The following PRKAR2A variants were observed in gnomAD, a reference collection of about 807,000 sequenced individuals.
The protein encoded by PRKAR2A is protein kinase cAMP-dependent type II regulatory subunit alpha.
A neutral mutation model predicts 51.9 loss-of-function variants in PRKAR2A; 29 were observed. The ratio of observed to expected loss-of-function variants is 0.56; its 90% confidence interval spans 0.42 to 0.76. The LOEUF (loss-of-function observed/expected upper bound fraction) is 0.76, where lower values mean the gene tolerates loss of function less well. Among genes scored for constraint, PRKAR2A ranks in the 30% least tolerant of loss-of-function variants. PRKAR2A has a pLI of 0.00. For missense variants in PRKAR2A, 445 were observed against 512.1 expected (o/e 0.87, Z 1.26); for synonymous variants, 178 against 186.2 (o/e 0.96, Z 0.36).
At chr3:48,845,804 G>C (rs970539865) in intron 1 of PRKAR2A, among the ~76,000 whole-genome samples, 2 of 152,124 alleles carry the variant, frequency 1.3e-5, no homozygotes, top group Non-Finnish European at 2.9e-5. Flanking sequence ...AAATTAGTAA[G>C]GCATGGTGGC....
intron 1 of PRKAR2A, among the ~76,000 whole-genome samples, chr3:48,822,801 T>C (rs1186236159): frequency 6.6e-6 from 1 of 151,448 alleles, no homozygotes; most frequent in Non-Finnish European, 1.5e-5. Flanking sequence ...AATCATGGCC[T>C]TGACTTGATG....
intron 1 of PRKAR2A, among the ~76,000 whole-genome samples, chr3:48,829,328 G>A (rs1323597701): frequency 6.6e-6 from 1 of 151,268 alleles, no homozygotes; most frequent in African/African-American, 2.4e-5. Flanking sequence ...AGGCCAGCCT[G>A]GCCAACATGG....
intron 3 of PRKAR2A, 43 bp downstream of exon 3, chr3:48,793,954 G>T: frequency 6.7e-7 from 1 of 1,484,544 alleles, no homozygotes. Flanking sequence ...GAGTTAATGA[G>T]AAATAGAACA....
At position 48,791,859 on chromosome 3, in the gene PRKAR2A, G is replaced by C. The variant is rs375889383; in HGVS notation, c.352-1232C>G. On this transcript the variant is annotated intron_variant, in intron 3 of 10. Transcript: ENST00000265563. ...CAGAGGTTGTGGTGAGCCAAGATCA[G>C]GCCATTGCACTCCGGCCTGGGCAAC... Among the ~76,000 whole-genome samples the C allele has an allele frequency of 3.0e-3, 358 of 121,284 alleles. 2 individuals are homozygous for C. Among genetic ancestry groups the C allele is most frequent in the African/African-American group, 0.01 (326 of 32,144 alleles). The allele number at this position is 121,284 out of a possible 152,430, so 79.6% of individuals were successfully genotyped here. A position where few individuals can be genotyped will look rare whatever the true frequency, so the allele number is the denominator to read the frequency against.
At chr3:48,776,082 G>T (rs2082100537) in intron 5 of PRKAR2A, among the ~76,000 whole-genome samples, 1 of 152,132 alleles carries the variant, frequency 6.6e-6, no homozygotes, top group African/African-American at 2.4e-5. Context: ...ACTCCAGCCT[G>T]GGCAACAGAG....
At chr3:48,829,847 G>GTGTATATATATATATATA (rs777532795) in intron 1 of PRKAR2A, among the ~76,000 whole-genome samples, 8 of 63,750 alleles carry the variant, frequency 1.3e-4, no homozygotes, top group East Asian at 5.9e-4. Flanking sequence ...ATGCGTGTGT[G>GTGTATATATATATATATA]TATATATATA....
At chr3:48,828,406 C>G (rs1413511256) in intron 1 of PRKAR2A, among the ~76,000 whole-genome samples, 3 of 151,998 alleles carry the variant, frequency 2.0e-5, no homozygotes, top group Admixed American at 6.6e-5. Flanking sequence ...TACATAAACG[C>G]ACTGTACAGG....
intron 1 of PRKAR2A, among the ~76,000 whole-genome samples, chr3:48,820,294 C>T (rs1304307281): frequency 3.3e-5 from 5 of 152,024 alleles, no homozygotes; most frequent in African/African-American, 7.3e-5. Context: ...GAATAAGACA[C>T]GGAGTGGGAA....
Position 48,752,183 on chromosome 3 carries a change from T to C in PRKAR2A, c.1074A>G (p.Lys358=). 1 of 1,610,296 alleles carries C rather than the reference T, an allele frequency of 6.2e-7. No homozygotes were observed. The highest frequency in any genetic ancestry group is 8.5e-7 in the Non-Finnish European group (1 of 1,179,078). ...ATAAAGAACTTTTCTTACCTAAGCA[T>C]TTGACATCTCCAACTGCATAAGCTG... The part of the protein sequence containing the change: ...AASAYAVGDV[K]CLVMDVQAFE... The change falls in exon 10 of 11, where the codon AAA becomes AAG. Residue 358 remains lysine, a synonymous_variant. Transcript: ENST00000265563.
intron 1 of PRKAR2A, among the ~76,000 whole-genome samples, chr3:48,834,655 G>A (rs958147699): frequency 2.2e-4 from 34 of 151,276 alleles, no homozygotes; most frequent in African/African-American, 7.5e-4. Context: ...GAGCCTGGGA[G>A]GTCAAGGCTG....
chr3:48,844,550 C>A (rs1299303854), intron 1 of PRKAR2A, among the ~76,000 whole-genome samples: 1 of 151,232 alleles, frequency 6.6e-6, no homozygotes, highest in African/African-American at 2.4e-5. Flanking sequence ...ATGTTTATTG[C>A]AGCACTATTC....
At chr3:48,824,692 A>C (rs1158771877) in intron 1 of PRKAR2A, among the ~76,000 whole-genome samples, 1 of 152,154 alleles carries the variant, frequency 6.6e-6, no homozygotes, top group African/African-American at 2.4e-5. Context: ...CGCCCATGTA[A>C]TCCTAACACT....
chr3:48,842,377 C>T lies in PRKAR2A; in HGVS notation c.262+4958G>A, dbSNP rs1041142910. Among the ~76,000 whole-genome samples the T allele has an allele frequency of 1.3e-3, 192 of 152,250 alleles. 1 individual carries two copies. The highest frequency in any genetic ancestry group is 4.5e-3 in the African/African-American group (185 of 41,546). On this transcript the variant is annotated intron_variant, in intron 1 of 10. Coordinates refer to ENST00000265563, the MANE Select transcript of PRKAR2A (RefSeq NM_004157.4). Reference sequence around the variant, plus strand: ...TCTGCAAACAGGGACAATTTGACTTCCTCTTTTCCTAACTGAATAGCCTTT... The same window carrying T: ...TCTGCAAACAGGGACAATTTGACTTTCTCTTTTCCTAACTGAATAGCCTTT...
At position 48,821,480 on chromosome 3, in the gene PRKAR2A, T is replaced by C. The variant is rs184703846; in HGVS notation, c.263-13796A>G. Among the ~76,000 whole-genome samples the C allele has an allele frequency of 3.9e-4, 60 of 152,238 alleles. No individual in the cohort carries two copies. In the East Asian group the frequency reaches 9.6e-3, roughly 24 times the overall value. ...GCAAGTTCCCTGGTTTTTAGAGATA[T>C]GAGTTCTTGAGAGATATGAGTTCTA... On this transcript the variant is annotated intron_variant, in intron 1 of 10. Transcript: ENST00000265563.
In PRKAR2A at chr3:48,748,497, G is replaced by T. The variant is rs1440412333; in HGVS notation, c.*3088C>A. 1.3e-5 allele frequency: 2 copies of T among 152,124 alleles called. No homozygotes were observed. The highest frequency in any genetic ancestry group is 1.3e-4 in the Admixed American group (2 of 15,240). The allele number at this position is 152,124 out of a possible 1,614,324, so 9.4% of individuals were successfully genotyped here. A position where few individuals can be genotyped will look rare whatever the true frequency, so the allele number is the denominator to read the frequency against. On this transcript the variant is annotated 3_prime_UTR_variant, in exon 11 of 11. Transcript: ENST00000265563. ...AACAGCAACTATCATTAAGTCAGGG[G>T]TGTCAAGGAGGACTCTGTGAAGGCA...
At chr3:48,757,500 A>G (rs1007038112) in intron 8 of PRKAR2A, among the ~76,000 whole-genome samples, 6 of 152,214 alleles carry the variant, frequency 3.9e-5, no homozygotes, top group Non-Finnish European at 8.8e-5. Context: ...ATGGAATCAT[A>G]TATTTTTTGT....
intron 1 of PRKAR2A, among the ~76,000 whole-genome samples, chr3:48,846,025 G>A (rs1394312730): frequency 6.6e-6 from 1 of 151,756 alleles, no homozygotes; most frequent in Non-Finnish European, 1.5e-5. Context: ...TTTCCTGCTC[G>A]GTCCTTATTG....
rs564686991 is a variant in PRKAR2A, at chr3:48,757,497, C to A, written c.874-1053G>T. On this transcript the variant is annotated intron_variant, in intron 8 of 10. Transcript: ENST00000265563. ...TTCCTTAACTTAATATAAATGGAAT[C>A]ATATATTTTTTGTATCTGGCTTATT... Among the ~76,000 whole-genome samples the A allele has an allele frequency of 1.8e-3, 271 of 152,320 alleles. 2 individuals carry two copies. The highest frequency in any genetic ancestry group is 6.3e-3 in the African/African-American group (260 of 41,566).
At chr3:48,803,366 T>C (rs1051098552) in intron 2 of PRKAR2A, among the ~76,000 whole-genome samples, 5 of 152,080 alleles carry the variant, frequency 3.3e-5, no homozygotes, top group Non-Finnish European at 5.9e-5. Context: ...CCTATGATTG[T>C]ACCAATGCAC....
Sources: gnomAD v4.1 joint callset for allele counts (sites outside exome capture counted in the v4.1 genomes callset) on GRCh38, gnomAD v4.1.1 for gene constraint, MANE v1.5 for transcripts, NCBI Gene and HGNC (gene_info 2026-07-23, HGNC 2026-07-21) for gene names.